The following EXOC4 variants were observed in gnomAD, a reference collection of about 807,000 sequenced individuals.
EXOC4 encodes exocyst complex component 4.
A neutral mutation model predicts 107.2 loss-of-function variants in EXOC4; 71 were observed. That is an observed-to-expected ratio of 0.66 (90% CI 0.55 to 0.81). EXOC4 has a LOEUF of 0.81. Ranked by LOEUF, EXOC4 falls within the 30% of genes least tolerant of loss-of-function variation. The pLI, the probability that EXOC4 is intolerant of heterozygous loss-of-function variation, is 0.00. For missense variants in EXOC4, 1,108 were observed against 1,189.6 expected (o/e 0.93, Z 1.01); for synonymous variants, 456 against 441.2 (o/e 1.03, Z -0.42).
intron 9 of EXOC4, among the ~76,000 whole-genome samples, chr7:133,527,376 C>G (rs1480429419): frequency 6.6e-6 from 1 of 151,980 alleles, no homozygotes; most frequent in African/African-American, 2.4e-5. Flanking sequence ...TGCACTCTAG[C>G]CTGGGCTACA....
At chr7:133,698,949 A>T (rs1241361461) in intron 10 of EXOC4, among the ~76,000 whole-genome samples, 2 of 69,120 alleles carry the variant, frequency 2.9e-5, no homozygotes, top group African/African-American at 1.1e-4. Context: ...CTATAGCATT[A>T]TATTGTATTT....
chr7:133,319,092 A>G (rs1795053086), intron 5 of EXOC4, among the ~76,000 whole-genome samples: 1 of 152,192 alleles, frequency 6.6e-6, no homozygotes, highest in African/African-American at 2.4e-5. Flanking sequence ...TGTAATGTGA[A>G]TCATTACTGC....
At chr7:133,491,194 TA>T (rs1259786070) in intron 9 of EXOC4, among the ~76,000 whole-genome samples, 7 of 152,224 alleles carry the variant, frequency 4.6e-5, no homozygotes, top group African/African-American at 1.4e-4. Flanking sequence ...TAATATATGA[TA>T]GTATGTATGA....
At chr7:133,730,916 T>C (rs917362432) in intron 10 of EXOC4, among the ~76,000 whole-genome samples, 1 of 152,186 alleles carries the variant, frequency 6.6e-6, no homozygotes, top group African/African-American at 2.4e-5. Flanking sequence ...TATTCTACTT[T>C]CCTCTATTAG....
chr7:133,429,954 T>C (rs1563062675), intron 7 of EXOC4, among the ~76,000 whole-genome samples: 1 of 152,198 alleles, frequency 6.6e-6, no homozygotes, highest in African/African-American at 2.4e-5. Flanking sequence ...GCTTTTGGGC[T>C]CCAGCCCCAT....
chr7:133,918,411 A>G (rs1170910632), intron 13 of EXOC4, among the ~76,000 whole-genome samples: 1 of 152,182 alleles, frequency 6.6e-6, no homozygotes, highest in Non-Finnish European at 1.5e-5. Flanking sequence ...GAGTAAGATA[A>G]ATTTCTGTCC....
At chr7:134,070,225 C>T (rs186702717), downstream of EXOC4, among the ~76,000 whole-genome samples, 8 of 152,274 alleles carry the variant, frequency 5.3e-5, no homozygotes, top group Non-Finnish European at 1.0e-4. Flanking sequence ...TAATTAGGCA[C>T]AGTTGTTATA....
intron 11 of EXOC4, among the ~76,000 whole-genome samples, chr7:133,859,732 C>CT (rs1283894247): frequency 1.3e-5 from 2 of 151,914 alleles, no homozygotes; most frequent in Non-Finnish European, 2.9e-5. Flanking sequence ...AACAAAAGGC[C>CT]TAACATAAAA....
chr7:133,824,217 C>T (rs1318813600), intron 11 of EXOC4, among the ~76,000 whole-genome samples: 1 of 151,686 alleles, frequency 6.6e-6, no homozygotes, highest in South Asian at 2.1e-4. Flanking sequence ...CTCCTTCCTA[C>T]CCCGGGTCAC....
rs1234539479 is a variant in EXOC4, at chr7:133,454,758, G to C, written c.1183-20570G>C. 2.0e-5 allele frequency among the ~76,000 whole-genome samples: 3 copies of C among 152,262 alleles called. No homozygotes were observed. The East Asian group carries it at 5.8e-4, about 29-fold the overall frequency. On this transcript the variant is annotated intron_variant, in intron 7 of 17. Coordinates refer to ENST00000253861, the MANE Select transcript of EXOC4 (RefSeq NM_021807.4). The stretch of plus-strand genomic sequence containing the variant: ...TGTGGGATATGTGCCAGGACCCCCA[G>C]TGGAGGCCTGAAACTAAAGATAGTA...
rs1299251440 is a variant in EXOC4, at chr7:133,386,998, G to A, written c.1182+11996G>A. Among the ~76,000 whole-genome samples the A allele has an allele frequency of 1.3e-5, 2 of 152,122 alleles. 1 individual carries two copies. The highest frequency in any genetic ancestry group is 2.9e-5 in the Non-Finnish European group (2 of 68,020). On this transcript the variant is annotated intron_variant, in intron 7 of 17. Transcript: ENST00000253861. ...TGGTTGATGAAGTCTTCTGGATTCT[G>A]TTATCCTATTCATGGTCAGTCTTAG...
intron 10 of EXOC4, among the ~76,000 whole-genome samples, chr7:133,693,784 G>C (rs1794472042): frequency 6.6e-6 from 1 of 152,210 alleles, no homozygotes; most frequent in Non-Finnish European, 1.5e-5. Flanking sequence ...TGTCTTTTCT[G>C]TAAGAGGAAG....
At chr7:133,817,630 C>T in intron 11 of EXOC4, 86 bp downstream of exon 11, 1 of 953,806 alleles carries the variant, frequency 1.0e-6, no homozygotes, top group Non-Finnish European at 1.6e-6. Context: ...GAAGAATTAC[C>T]ATCTGTTTCC....
At chr7:133,548,150 T>C (rs1176822884) in intron 9 of EXOC4, among the ~76,000 whole-genome samples, 1 of 152,034 alleles carries the variant, frequency 6.6e-6, no homozygotes, top group Non-Finnish European at 1.5e-5. Flanking sequence ...GACATTTCAC[T>C]AGTGTTTACA....
chr7:133,481,194 T>C (rs1799148580), intron 9 of EXOC4: 1 of 151,950 alleles, frequency 6.6e-6, no homozygotes, highest in Non-Finnish European at 1.5e-5. Flanking sequence ...AGTATACATA[T>C]GTGTGTGTGC....
At chr7:133,879,052 T>C (rs1303841891) in intron 11 of EXOC4, among the ~76,000 whole-genome samples, 3 of 152,156 alleles carry the variant, frequency 2.0e-5, no homozygotes, top group Non-Finnish European at 4.4e-5. Context: ...TTAGTACCAA[T>C]GGATAACCTT....
intron 7 of EXOC4, among the ~76,000 whole-genome samples, chr7:133,392,112 A>T (rs540555498): frequency 6.6e-6 from 1 of 152,324 alleles, no homozygotes; most frequent in East Asian, 1.9e-4. Context: ...TTCCCCTAGG[A>T]AAATTGGGTT....
At chr7:133,396,236 A>G (rs1023273609) in intron 7 of EXOC4, 2 of 152,200 alleles carry the variant, frequency 1.3e-5, no homozygotes, top group African/African-American at 2.4e-5. Context: ...ACAGACTGTA[A>G]TAATGAAACG....
At chr7:133,496,438 G>T (rs1339939358) in intron 9 of EXOC4, among the ~76,000 whole-genome samples, 2 of 152,174 alleles carry the variant, frequency 1.3e-5, no homozygotes, top group Non-Finnish European at 2.9e-5. Context: ...AAGCACTGGG[G>T]TTATAGGCTT....
Sources: allele counts gnomAD v4.1 joint callset (sites outside exome capture counted in the v4.1 genomes callset), GRCh38; gene constraint gnomAD v4.1.1; transcripts MANE v1.5; gene names NCBI Gene and HGNC (gene_info 2026-07-23, HGNC 2026-07-21).